The following TAFA2 variants were observed in gnomAD, a reference collection of about 807,000 sequenced individuals.
The protein encoded by TAFA2 is chemokine-like protein TAFA-2.
TAFA2 carries 7 observed loss-of-function variants against 18.8 expected under a neutral mutation model. The ratio of observed to expected loss-of-function variants is 0.37; its 90% CI spans 0.21 to 0.70. TAFA2 has a LOEUF of 0.70. Ranked by LOEUF, TAFA2 falls within the 30% of genes least tolerant of loss-of-function variation. The pLI, the probability that TAFA2 is intolerant of heterozygous loss-of-function variation, is 0.53. For missense variants in TAFA2, 122 were observed against 158.1 expected, an observed-to-expected ratio of 0.77 and a Z score of 1.23; for synonymous variants, 60 against 54.2, an observed-to-expected ratio of 1.11 and a Z score of -0.47.
At chr12:62,067,151 T>C (rs1882510992) in intron 1 of TAFA2, among the ~76,000 whole-genome samples, 1 of 152,090 alleles carries the variant, frequency 6.6e-6, no homozygotes, top group Non-Finnish European at 1.5e-5. Flanking sequence ...GCTCATTTTT[T>C]AATTGGGTTA....
At chr12:62,061,576 T>C (rs1882350039) in intron 1 of TAFA2, among the ~76,000 whole-genome samples, 1 of 151,592 alleles carries the variant, frequency 6.6e-6, no homozygotes, top group Admixed American at 6.6e-5. Flanking sequence ...GAAAGAGGAG[T>C]CACAAGATGA....
chr12:61,962,899 A>G (rs1374142253), intron 1 of TAFA2, among the ~76,000 whole-genome samples: 1 of 151,588 alleles, frequency 6.6e-6, no homozygotes, highest in Non-Finnish European at 1.5e-5. Context: ...TCCCTCCCCT[A>G]GCCCCCCACC....
At chr12:62,114,523 T>C (rs1177025501) in intron 1 of TAFA2, among the ~76,000 whole-genome samples, 2 of 152,214 alleles carry the variant, frequency 1.3e-5, no homozygotes, top group Admixed American at 6.5e-5. Context: ...AATGCAAAAA[T>C]TATAATGTCT....
At chr12:61,831,430 A>G (rs1405802232) in intron 2 of TAFA2, among the ~76,000 whole-genome samples, 2 of 152,048 alleles carry the variant, frequency 1.3e-5, no homozygotes, top group African/African-American at 2.4e-5. Context: ...TAACCCCAAT[A>G]TATAAAACTG....
chr12:62,170,536 A>AT (rs920232231), intron 1 of TAFA2, among the ~76,000 whole-genome samples: 16 of 152,306 alleles, frequency 1.1e-4, no homozygotes, highest in Admixed American at 3.3e-4. Context: ...TGCCAGAGTT[A>AT]TGTGTGTGTT....
At chr12:62,257,710 C>T (rs2062947480) in intron 1 of TAFA2, among the ~76,000 whole-genome samples, 1 of 152,166 alleles carries the variant, frequency 6.6e-6, no homozygotes, top group Non-Finnish European at 1.5e-5. Context: ...CAAACTGGTA[C>T]ATTCATCAAA....
intron 1 of TAFA2, among the ~76,000 whole-genome samples, chr12:62,184,986 T>C (rs191868279): frequency 6.6e-6 from 1 of 152,212 alleles, no homozygotes; most frequent in Non-Finnish European, 1.5e-5. Context: ...ATTTCAAAAT[T>C]TATCTGCTAA....
chr12:61,979,031 C>T (rs1879536828), intron 1 of TAFA2, among the ~76,000 whole-genome samples: 1 of 152,072 alleles, frequency 6.6e-6, no homozygotes, highest in African/African-American at 2.4e-5. Context: ...GAATAATACG[C>T]ATTGCTTCTT....
intron 1 of TAFA2, among the ~76,000 whole-genome samples, chr12:61,976,988 G>A (rs1279785016): frequency 6.6e-6 from 1 of 152,026 alleles, no homozygotes; most frequent in African/African-American, 2.4e-5. Flanking sequence ...AAACATACAT[G>A]TGCATGTGTC....
chr12:61,777,189 G>T (rs1185544480), intron 2 of TAFA2, among the ~76,000 whole-genome samples: 2 of 151,892 alleles, frequency 1.3e-5, no homozygotes, highest in South Asian at 4.1e-4. Context: ...CTTCTGGGGG[G>T]AAGCAGCAGA....
At chr12:62,115,120 C>CATTTTA (rs1224813317) in intron 1 of TAFA2, among the ~76,000 whole-genome samples, 1 of 152,038 alleles carries the variant, frequency 6.6e-6, no homozygotes, top group Non-Finnish European at 1.5e-5. Flanking sequence ...GTCTATTTTC[C>CATTTTA]ATTTTAATTT....
chr12:62,161,280 T>A (rs1367002143), intron 1 of TAFA2, among the ~76,000 whole-genome samples: 1 of 152,200 alleles, frequency 6.6e-6, no homozygotes, highest in African/African-American at 2.4e-5. Flanking sequence ...ACTATTCACA[T>A]CGCAAAGATA....
At chr12:62,010,727 C>T (rs540273126) in intron 1 of TAFA2, among the ~76,000 whole-genome samples, 13 of 148,560 alleles carry the variant, frequency 8.8e-5, no homozygotes, top group African/African-American at 2.2e-4. Context: ...CCGGCCGCCC[C>T]GTCTGGGAGG....
intron 1 of TAFA2, among the ~76,000 whole-genome samples, chr12:61,973,682 AACAT>A (rs1406625668): frequency 1.3e-5 from 2 of 151,744 alleles, no homozygotes; most frequent in African/African-American, 2.4e-5. Context: ...CTACTGTGTT[AACAT>A]AGAACTCCTT....
chr12:62,142,442 C>G (rs539383836), intron 1 of TAFA2, among the ~76,000 whole-genome samples: 2 of 152,296 alleles, frequency 1.3e-5, no homozygotes, highest in East Asian at 3.9e-4. Flanking sequence ...GTTCCTTTCA[C>G]TCCATGACAT....
At chr12:62,088,020 T>C (rs866818461) in intron 1 of TAFA2, among the ~76,000 whole-genome samples, 1 of 152,064 alleles carries the variant, frequency 6.6e-6, no homozygotes, top group African/African-American at 2.4e-5. Context: ...ATGGTTAGTA[T>C]CTCTTTTATT....
At chr12:61,733,533 C>G (rs1190299922) in intron 4 of TAFA2, among the ~76,000 whole-genome samples, 5 of 150,156 alleles carry the variant, frequency 3.3e-5, no homozygotes, top group Admixed American at 2.7e-4. Flanking sequence ...ATAGGGAATC[C>G]TTTCCCCATT....
chr12:62,166,571 CCT>C (rs1264007979), intron 1 of TAFA2, among the ~76,000 whole-genome samples: 1 of 152,064 alleles, frequency 6.6e-6, no homozygotes, highest in Non-Finnish European at 1.5e-5. Flanking sequence ...TTCCCTTTCC[CCT>C]CTGTTTGCTA....
intron 1 of TAFA2, among the ~76,000 whole-genome samples, chr12:62,104,276 CAAA>C (rs66467365): frequency 6.9e-5 from 10 of 145,818 alleles, no homozygotes; most frequent in Non-Finnish European, 4.5e-5. Context: ...TCTTCTGAAG[CAAA>C]AAAAAAAAAA....
Sources: allele counts gnomAD v4.1 joint callset (sites outside exome capture counted in the v4.1 genomes callset), GRCh38; gene constraint gnomAD v4.1.1; transcripts MANE v1.5; gene names NCBI Gene and HGNC (gene_info 2026-07-23, HGNC 2026-07-21).